Variants in ZNF333 observed in about 807,000 individuals in gnomAD.
ZNF333 encodes the protein zinc finger protein 333.
A neutral mutation model predicts 76.1 loss-of-function variants in ZNF333; 61 were observed. That is an observed-to-expected ratio of 0.80 (90% CI 0.65 to 0.99). The LOEUF (loss-of-function observed/expected upper bound fraction) is 0.99. ZNF333 is among the 50% of genes least tolerant of loss of function. ZNF333 has a pLI of 0.00. For missense variants in ZNF333, 717 were observed against 822.4 expected, an observed-to-expected ratio of 0.87 and a Z score of 1.57; for synonymous variants, 284 against 305.0, an observed-to-expected ratio of 0.93 and a Z score of 0.72.
chr19:14,694,916 T>C, intron 2 of ZNF333, 94 bp from the exon 3 acceptor site: 2 of 1,570,348 alleles, frequency 1.3e-6, no homozygotes. Context: ...ATGCCTGCTG[T>C]GTCTGAACAT....
intron 2 of ZNF333, among the ~76,000 whole-genome samples, chr19:14,694,795 A>G (rs955358026): frequency 3.3e-5 from 5 of 152,368 alleles, no homozygotes; most frequent in Non-Finnish European, 5.9e-5. Context: ...ACAACTATTC[A>G]GTTCTGCCGT....
Position 14,716,180 on chromosome 19 carries a change from T to G in ZNF333, c.669T>G (p.Thr223=), listed in dbSNP as rs200179248. Reference sequence around the variant, plus strand: ...AAGAATGGGTGTTTCTGGACTCTACTCAGAGGAGCCTGTATAGAGATGTGA... The same window carrying G: ...AAGAATGGGTGTTTCTGGACTCTACGCAGAGGAGCCTGTATAGAGATGTGA... ...TPEEWVFLDS[T]QRSLYRDVML... The change falls in exon 9 of 12, where the codon ACT becomes ACG. Residue 223 remains threonine (T), a synonymous_variant. Coordinates refer to ENST00000292530, the MANE Select transcript of ZNF333 (RefSeq NM_032433.4). 1 of 1,614,104 alleles carries G rather than the reference T, an allele frequency of 6.2e-7. No individual in the cohort carries two copies. Among genetic ancestry groups the G allele is most frequent in the African/African-American group, 1.3e-5 (1 of 75,014 alleles).
At chr19:14,695,690 C>G in intron 4 of ZNF333, 29 bp downstream of exon 4, 1 of 1,604,868 alleles carries the variant, frequency 6.2e-7, no homozygotes, top group Non-Finnish European at 8.5e-7. Context: ...GTGGATCCCC[C>G]GACCCCCCTG....
intron 1 of ZNF333, among the ~76,000 whole-genome samples, chr19:14,690,749 A>G (rs1388875053): frequency 1.3e-5 from 2 of 152,186 alleles, no homozygotes; most frequent in Non-Finnish European, 2.9e-5. Flanking sequence ...TTGGCTTTGC[A>G]TCTCTTCCTT....
rs753517267 is a variant in ZNF333, at chr19:14,718,298, C to T, written c.971C>T (p.Pro324Leu). The change falls in exon 12 of 12, where the codon CCA becomes CTA. Residue 324 changes from proline (P) to leucine (L), a missense_variant. Physicochemically the swap from Pro to Leu is moderately conservative, Grantham distance 98. Transcript: ENST00000292530. ...ELEKPFNSIE[P>L]LFQYQRIHAG... is the part of the protein sequence containing the mutation. ...GAGAAACCTTTTAACAGCATTGAAC[C>T]ACTTTTCCAGTACCAGAGAATTCAT... 2 of 1,614,082 alleles carry T rather than the reference C, an allele frequency of 1.2e-6. No homozygotes were observed. Among genetic ancestry groups the T allele is most frequent in the South Asian group, 2.2e-5 (2 of 91,074 alleles).
At position 14,693,365 on chromosome 19, in the gene ZNF333, A is replaced by G. The variant is rs1279571611; in HGVS notation, c.-41-86A>G. 139 of 1,057,770 alleles carry G rather than the reference A, an allele frequency of 1.3e-4. 1 individual carries two copies. The highest frequency in any genetic ancestry group is 1.8e-4 in the Non-Finnish European group (137 of 744,296). The allele number at this position is 1,057,770 out of a possible 1,614,324, so 65.5% of individuals were successfully genotyped here. On this transcript the variant is annotated intron_variant, in intron 1 of 11. Coordinates refer to ENST00000292530, the MANE Select transcript of ZNF333 (RefSeq NM_032433.4). The stretch of plus-strand genomic sequence containing the variant: ...AGATAAATGTCCTGTAAGGGTTTTG[A>G]TTGTGACCACTCTGCTGGAGATCCC...
intron 11 of ZNF333, among the ~76,000 whole-genome samples, chr19:14,730,352 G>C (rs2042659536): frequency 6.9e-6 from 1 of 144,022 alleles, no homozygotes; most frequent in East Asian, 2.1e-4. Flanking sequence ...ACCGTGCCCG[G>C]CCACTGTCTT....
downstream of ZNF333, among the ~76,000 whole-genome samples, chr19:14,722,852 C>T (rs2042606467): frequency 6.6e-6 from 1 of 152,208 alleles, no homozygotes; most frequent in South Asian, 2.1e-4. Context: ...ATGGCGCAAT[C>T]TTGGCTTACC....
rs369896244 is a variant in ZNF333, at chr19:14,695,144, C to T, written c.127+11C>T. 34 of 1,611,716 alleles carry T rather than the reference C, an allele frequency of 2.1e-5. No homozygotes were observed. The highest frequency in any genetic ancestry group is 1.7e-4 in the Middle Eastern group (1 of 5,918). On this transcript the variant is annotated intron_variant, in intron 3 of 11. Coordinates refer to ENST00000292530, the MANE Select transcript of ZNF333 (RefSeq NM_032433.4). The stretch of plus-strand genomic sequence containing the variant: ...CCCTGGCCTCCAGGGGTAAGGCTGG[C>T]GTCACCTGGCTCCTTCCTGTACGCA...
At chr19:14,690,953 C>T (rs371102841) in intron 1 of ZNF333, among the ~76,000 whole-genome samples, 3 of 152,086 alleles carry the variant, frequency 2.0e-5, no homozygotes, top group East Asian at 3.9e-4. Flanking sequence ...ATTAGCCGAG[C>T]GTAGTGGTGG....
chr19:14,701,864 A>T (rs969813427), intron 5 of ZNF333: 21 of 985,370 alleles, frequency 2.1e-5, no homozygotes, highest in Non-Finnish European at 2.5e-5. Context: ...TGAGGAGTTC[A>T]TCCCTGAAGA....
rs753423637 is a variant in ZNF333, at chr19:14,720,715, G to C, written c.*1390G>C. The C allele has an allele frequency of 1.0e-6, 1 of 985,266 alleles. No individual in the cohort carries two copies. Among genetic ancestry groups the C allele is most frequent in the Non-Finnish European group, 1.2e-6 (1 of 829,904 alleles). The allele number at this position is 985,266 out of a possible 1,614,324, so 61.0% of individuals were successfully genotyped here. A position where few individuals can be genotyped will look rare whatever the true frequency, so the allele number is the denominator to read the frequency against. ...TGCTTCATGGATGGTTGAAATCAAT[G>C]TATTGTATTCTACAAATGTCTGCTA... On this transcript the variant is annotated 3_prime_UTR_variant, in exon 12 of 12. Coordinates refer to ENST00000292530, the MANE Select transcript of ZNF333 (RefSeq NM_032433.4).
chr19:14,733,012 A>G (rs1199672052), exon 12 of ZNF333: 2 of 152,194 alleles, frequency 1.3e-5, no homozygotes, highest in Non-Finnish European at 2.9e-5. Context: ...AGGGACCCAC[A>G]TGTTCCAAGC....
Position 14,719,135 on chromosome 19 carries a change from C to T in ZNF333, c.1808C>T (p.Ser603Leu). 6.2e-7 allele frequency: 1 copy of T among 1,614,202 alleles called. No homozygotes were observed. The highest frequency in any genetic ancestry group is 1.1e-5 in the South Asian group (1 of 91,088). ...QECGRAFGQS[S>L]HLIVHVRTHS... ...TGCGGGCGAGCCTTTGGTCAGTCTTCACATCTTATTGTACATGTGAGAACA... is the reference window on the plus strand; with the variant it reads ...TGCGGGCGAGCCTTTGGTCAGTCTTTACATCTTATTGTACATGTGAGAACA... The change falls in exon 12 of 12, where the codon TCA becomes TTA. Residue 603 changes from serine (S) to leucine (L), a missense_variant. By Grantham distance (145) the Ser-to-Leu change is moderately radical. Coordinates refer to ENST00000292530, the MANE Select transcript of ZNF333 (RefSeq NM_032433.4).
At chr19:14,708,582 C>T in intron 7 of ZNF333, 2 of 377,258 alleles carry the variant, frequency 5.3e-6, no homozygotes, top group Non-Finnish European at 9.4e-6. Context: ...GCTACTGCAG[C>T]ACTGCTGATA....
chr19:14,701,634 G>T, intron 5 of ZNF333: 1 of 985,424 alleles, frequency 1.0e-6, no homozygotes. Flanking sequence ...AGCAACGAGG[G>T]CCCGGTGCCC....
At chr19:14,697,283 G>T (rs1973274272) in intron 4 of ZNF333, among the ~76,000 whole-genome samples, 1 of 151,634 alleles carries the variant, frequency 6.6e-6, no homozygotes, top group African/African-American at 2.4e-5. Context: ...TAGACAGTTG[G>T]ATTGTTTCTA....
chr19:14,715,642 C>T (rs894418579), intron 8 of ZNF333, among the ~76,000 whole-genome samples, 172 bp downstream of exon 8: 1 of 152,200 alleles, frequency 6.6e-6, no homozygotes, highest in South Asian at 2.1e-4. Flanking sequence ...CCCACCACCT[C>T]ATTCAGACCC....
At chr19:14,714,235 G>A (rs907039050) in intron 7 of ZNF333, among the ~76,000 whole-genome samples, 6 of 152,156 alleles carry the variant, frequency 3.9e-5, no homozygotes, top group Admixed American at 2.6e-4. Context: ...TGTGAATGTG[G>A]CCTTATTGGA....
Sources: allele counts gnomAD v4.1 joint callset (sites outside exome capture counted in the v4.1 genomes callset), GRCh38; gene constraint gnomAD v4.1.1; transcripts MANE v1.5; gene names NCBI Gene and HGNC (gene_info 2026-07-23, HGNC 2026-07-21).